BUB1: variants seen among roughly 807,000 people sequenced by gnomAD.
BUB1 encodes the protein BUB1 mitotic checkpoint serine/threonine kinase.
A neutral mutation model predicts 135.2 loss-of-function variants in BUB1; 84 were observed. The observed-to-expected ratio is 0.62, with a 90% CI of 0.52 to 0.74. The LOEUF (loss-of-function observed/expected upper bound fraction) is 0.74. BUB1 is among the 30% of genes least tolerant of loss of function. The probability of loss-of-function intolerance (pLI) is 0.00; values close to 1 mark genes in which losing one functional copy is unlikely to be tolerated. For missense variants in BUB1, 1,162 were observed against 1,288.3 expected (o/e 0.90, Z 1.50); for synonymous variants, 403 against 434.4 (o/e 0.93, Z 0.90).
At chr2:110,649,147 T>TCACACACA (rs34802999) in intron 19 of BUB1, 87 bp downstream of exon 19, 26 of 1,137,838 alleles carry the variant, frequency 2.3e-5, no homozygotes, top group Non-Finnish European at 3.2e-5. Flanking sequence ...AATAGGAGAA[T>TCACACACA]CACACACACA....
intron 17 of BUB1, among the ~76,000 whole-genome samples, chr2:110,653,096 C>G (rs1473638889): frequency 6.6e-6 from 1 of 152,212 alleles, no homozygotes; most frequent in Non-Finnish European, 1.5e-5. Flanking sequence ...CTTCTTTCAT[C>G]TGTGACAGTT....
At chr2:110,639,458 A>G (rs1689443812) in intron 24 of BUB1, among the ~76,000 whole-genome samples, 1 of 151,950 alleles carries the variant, frequency 6.6e-6, no homozygotes, top group African/African-American at 2.4e-5. Flanking sequence ...GTCCAGTGAC[A>G]TTAGGTGATT....
chr2:110,648,584 T>A lies in BUB1; in HGVS notation c.2347+650A>T, dbSNP rs1689703829. ...ATAATGCATCAACATTGGCTTAATT[T>A]TAACAAATGTACCACACTCATGCAA... is the stretch of plus-strand genomic sequence containing the variant. On this transcript the variant is annotated intron_variant, in intron 19 of 24. Transcript: ENST00000302759. The surrounding 1 kb of genome is among the most constrained non-coding windows in gnomAD (Gnocchi z 4.2). Among the ~76,000 whole-genome samples, 1 of 152,186 alleles carries A rather than the reference T, an allele frequency of 6.6e-6. No individual in the cohort carries two copies. Among genetic ancestry groups the A allele is most frequent in the Non-Finnish European group, 1.5e-5 (1 of 68,040 alleles).
chr2:110,670,883 T>G (rs772018316), intron 4 of BUB1, among the ~76,000 whole-genome samples: 11 of 152,352 alleles, frequency 7.2e-5, no homozygotes, highest in African/African-American at 2.6e-4. Context: ...CACAGGATGT[T>G]TGACCTCCTA....
intron 23 of BUB1, among the ~76,000 whole-genome samples, chr2:110,640,652 T>C (rs1227478594): frequency 6.6e-6 from 1 of 152,052 alleles, no homozygotes; most frequent in Non-Finnish European, 1.5e-5. Flanking sequence ...CTGCCTGGAG[T>C]GGGCATGCAG....
chr2:110,670,231 C>T (rs916404980), intron 5 of BUB1, among the ~76,000 whole-genome samples: 3 of 150,990 alleles, frequency 2.0e-5, no homozygotes, highest in East Asian at 3.9e-4. Context: ...CTCTGCCTCC[C>T]GGGCTCAAGC....
At chr2:110,649,406 A>G (rs201666822) in intron 18 of BUB1, 29 bp from the exon 19 acceptor site, 636 of 1,492,560 alleles carry the variant, frequency 4.3e-4, no homozygotes, top group Non-Finnish European at 5.1e-4. Context: ...AAAAAAAAAA[A>G]GGGAACATGA....
intron 20 of BUB1, 91 bp downstream of exon 20, chr2:110,642,028 C>A: frequency 9.6e-7 from 1 of 1,041,856 alleles, no homozygotes; most frequent in South Asian, 1.7e-5. Flanking sequence ...TAAATAAAAA[C>A]ACCACTATCT....
intron 24 of BUB1, among the ~76,000 whole-genome samples, chr2:110,639,411 A>AAAAAAAG (rs917669414): frequency 4.6e-5 from 7 of 151,672 alleles, no homozygotes; most frequent in Non-Finnish European, 1.0e-4. Flanking sequence ...AAAAAAAAGA[A>AAAAAAAG]AAAAAAGAAA....
chr2:110,653,559 G>A (rs1437371196), intron 16 of BUB1, 36 bp from the exon 17 acceptor site: 3 of 1,557,404 alleles, frequency 1.9e-6, no homozygotes, highest in Non-Finnish European at 1.8e-6. Context: ...AGATATGTTA[G>A]ATGCACATGT....
At chr2:110,651,096 T>C (rs1465392843) in intron 17 of BUB1, among the ~76,000 whole-genome samples, 1 of 152,210 alleles carries the variant, frequency 6.6e-6, no homozygotes, top group African/African-American at 2.4e-5. Flanking sequence ...GACACTACTA[T>C]CATCAAGACT....
At chr2:110,644,612 C>T (rs1364276862) in intron 19 of BUB1, among the ~76,000 whole-genome samples, 2 of 151,738 alleles carry the variant, frequency 1.3e-5, no homozygotes, top group Non-Finnish European at 2.9e-5. Flanking sequence ...AACATCTAGG[C>T]ATATCATATT....
At position 110,637,970 on chromosome 2, in the gene BUB1, T is replaced by G; in HGVS notation, c.3252A>C (p.Arg1084=). 6.7e-7 allele frequency: 1 copy of G among 1,485,758 alleles called. No individual in the cohort carries two copies. The highest frequency in any genetic ancestry group is 1.4e-5 in the South Asian group (1 of 70,124). 92.0% of individuals were successfully genotyped at this position (1,485,758 alleles called of 1,614,324 possible). A position where few individuals can be genotyped will look rare whatever the true frequency, so the allele number is the denominator to read the frequency against. ...IVLLLECKRS[R]K is the part of the protein sequence containing the mutation. Reference sequence around the variant, plus strand: ...GACTGTCTATATCCAAATTTTATTTTCGTGAACGCTTACATTCTAAGAGCA... The same window carrying G: ...GACTGTCTATATCCAAATTTTATTTGCGTGAACGCTTACATTCTAAGAGCA... Residue 1084 remains arginine (R), a synonymous_variant, in exon 25 of 25, where the codon CGA becomes CGC. Coordinates refer to ENST00000302759, the MANE Select transcript of BUB1 (RefSeq NM_004336.5).
Position 110,649,234 on chromosome 2 carries a change from C to G in BUB1, c.2347G>C (p.Gly783Arg), listed in dbSNP as rs747632401. ...AIKPKTEFQL[G>R]SKLVYVHHLL... ...GTTATATTATCCAAATAATTCTTAC[C>G]CAATTGAAATTCAGTCTTGGGCTTG... Residue 783 changes from glycine (G) to arginine (R), a missense_variant and splice_region_variant, in exon 19 of 25, where the codon GGT becomes CGT. Coordinates refer to ENST00000302759, the MANE Select transcript of BUB1 (RefSeq NM_004336.5). 1 of 1,600,754 alleles carries G rather than the reference C, an allele frequency of 6.2e-7. No homozygotes were observed. Among genetic ancestry groups the G allele is most frequent in the Non-Finnish European group, 8.5e-7 (1 of 1,175,740 alleles).
intron 19 of BUB1, among the ~76,000 whole-genome samples, chr2:110,644,207 G>A (rs751632053): frequency 5.3e-5 from 8 of 151,886 alleles, no homozygotes; most frequent in Admixed American, 2.6e-4. Flanking sequence ...ATCTGAGGCC[G>A]GGTGCAGCGG....
chr2:110,655,999 C>A, intron 15 of BUB1, 83 bp from the exon 16 acceptor site: 1 of 1,306,072 alleles, frequency 7.7e-7, no homozygotes, highest in Non-Finnish European at 1.1e-6. Context: ...CTTTAAGATC[C>A]AAAGAAATGA....
Position 110,639,786 on chromosome 2 carries a change from C to T in BUB1, c.3018G>A (p.Val1006=). 6.2e-7 allele frequency: 1 copy of T among 1,613,900 alleles called. No homozygotes were observed. The highest frequency in any genetic ancestry group is 8.5e-7 in the Non-Finnish European group (1 of 1,179,918). ...YCMLFGTYMK[V]KNEGGECKPE... Reference sequence around the variant, plus strand: ...GCTTACACTCTCCTCCTTCATTTTTCACTTTCATGTAAGTGCCAAAGAGCA... The same window carrying T: ...GCTTACACTCTCCTCCTTCATTTTTTACTTTCATGTAAGTGCCAAAGAGCA... The change falls in exon 24 of 25, where the codon GTG becomes GTA. Residue 1006 remains valine (V), a synonymous_variant. Coordinates refer to ENST00000302759, the MANE Select transcript of BUB1 (RefSeq NM_004336.5).
rs778930625 is a variant in BUB1 at position 110,661,715 on chromosome 2, C to T, written c.1084G>A (p.Val362Ile). Reference sequence around the variant, plus strand: ...GAAATAGCATTTGCCAAAGGAGGAACAACAGGAGGTGCCTCTCTTGGGTTC... The same window carrying T: ...GAAATAGCATTTGCCAAAGGAGGAATAACAGGAGGTGCCTCTCTTGGGTTC... ...EKNPREAPPVVPPLANAISAA... is the reference protein window; with the variant it reads ...EKNPREAPPVIPPLANAISAA... Residue 362 changes from valine (V) to isoleucine (I), a missense_variant, in exon 10 of 25, where the codon GTT becomes ATT. Physicochemically the swap from Val to Ile is conservative, Grantham distance 29 (BLOSUM62 3). Transcript: ENST00000302759. 6.2e-7 allele frequency: 1 copy of T among 1,614,224 alleles called. No individual in the cohort carries two copies. The highest frequency in any genetic ancestry group is 1.1e-5 in the South Asian group (1 of 91,084).
intron 15 of BUB1, among the ~76,000 whole-genome samples, chr2:110,656,688 T>C (rs1241286222): frequency 6.6e-6 from 1 of 152,220 alleles, no homozygotes; most frequent in African/African-American, 2.4e-5. Context: ...TAATTTTCCC[T>C]TTCCCTTTGC....
Sources: gnomAD v4.1 joint callset for allele counts (sites outside exome capture counted in the v4.1 genomes callset) on GRCh38, gnomAD v4.1.1 for gene constraint, Gnocchi (gnomAD v3.1) non-coding constraint, MANE v1.5 for transcripts, NCBI Gene and HGNC (gene_info 2026-07-23, HGNC 2026-07-21) for gene names.